The following FBXW7 variants were observed in gnomAD, a reference collection of about 807,000 sequenced individuals.
FBXW7 encodes the protein F-box/WD repeat-containing protein 7.
Under a neutral mutation model 86.3 loss-of-function variants are expected in FBXW7, and 11 were observed. The observed-to-expected ratio is 0.13, with a 90% CI of 0.08 to 0.21. The LOEUF is 0.21. FBXW7 is among the 10% of genes least tolerant of loss of function. FBXW7 has a pLI of 1.00. For missense variants in FBXW7, 488 were observed against 847.4 expected, an observed-to-expected ratio of 0.58 and a Z score of 5.27; for synonymous variants, 313 against 297.9, an observed-to-expected ratio of 1.05 and a Z score of -0.52.
intron 4 of FBXW7, among the ~76,000 whole-genome samples, chr4:152,403,072 C>T (rs573028904): frequency 6.6e-6 from 1 of 152,220 alleles, no homozygotes; most frequent in South Asian, 2.1e-4. Flanking sequence ...GACTAAAAAC[C>T]CTTAACATGT....
intron 4 of FBXW7, among the ~76,000 whole-genome samples, chr4:152,383,987 C>T (rs1735312428): frequency 6.6e-6 from 1 of 152,104 alleles, no homozygotes; most frequent in African/African-American, 2.4e-5. Context: ...ACTTCACATC[C>T]ATTAGGATGG....
chr4:152,436,763 C>T (rs983386745), intron 2 of FBXW7, among the ~76,000 whole-genome samples: 1 of 152,240 alleles, frequency 6.6e-6, no homozygotes, highest in Non-Finnish European at 1.5e-5. Flanking sequence ...TATACTCTCC[C>T]TGTGCTCTAC....
intron 2 of FBXW7, among the ~76,000 whole-genome samples, chr4:152,466,717 C>G (rs574717822): frequency 1.3e-5 from 2 of 152,028 alleles, no homozygotes; most frequent in Non-Finnish European, 2.9e-5. Flanking sequence ...CCGAGGTGGG[C>G]GGATCACGAG....
At chr4:152,470,679 C>T (rs777803664) in intron 2 of FBXW7, among the ~76,000 whole-genome samples, 14 of 152,116 alleles carry the variant, frequency 9.2e-5, no homozygotes, top group Admixed American at 2.6e-4. Context: ...TGCATCAAGT[C>T]GAGTCCAATT....
intron 2 of FBXW7, among the ~76,000 whole-genome samples, chr4:152,464,972 T>A (rs368511624): frequency 1.3e-5 from 2 of 152,236 alleles, no homozygotes; most frequent in African/African-American, 4.8e-5. Context: ...CCAAGTCCAG[T>A]TGAGCCTTTC....
At chr4:152,470,124 C>A (rs931115344) in intron 2 of FBXW7, among the ~76,000 whole-genome samples, 2 of 151,908 alleles carry the variant, frequency 1.3e-5, no homozygotes, top group African/African-American at 4.8e-5. Context: ...AAATCCAAAC[C>A]ATATGCTAAA....
Position 152,536,060 on chromosome 4 carries a change from C to G in FBXW7, c.-1146G>C, listed in dbSNP as rs902994306. 4 of 194,636 alleles carry G rather than the reference C, an allele frequency of 2.1e-5. No homozygotes were observed. Among genetic ancestry groups the G allele is most frequent in the Non-Finnish European group, 4.2e-5 (4 of 95,820 alleles). The allele number at this position is 194,636 out of a possible 1,614,324, so 12.1% of individuals were successfully genotyped here. ...GGAGCTCAGCTCGCTGTCTCCCTCG[C>G]TCTGTGCGGGGCTCTCGCCTCACTC... On this transcript the variant is annotated 5_prime_UTR_variant, in exon 1 of 14. Coordinates refer to ENST00000281708, the MANE Select transcript of FBXW7 (RefSeq NM_001349798.2).
intron 4 of FBXW7, among the ~76,000 whole-genome samples, chr4:152,382,868 G>A (rs910375392): frequency 6.6e-6 from 1 of 151,838 alleles, no homozygotes; most frequent in Non-Finnish European, 1.5e-5. Flanking sequence ...TTTGAACTGT[G>A]TTTACGTATG....
At chr4:152,534,255 C>CT (rs948237988) in intron 2 of FBXW7, among the ~76,000 whole-genome samples, 1 of 142,888 alleles carries the variant, frequency 7.0e-6, no homozygotes, top group Non-Finnish European at 1.5e-5. Context: ...ATTTGTTACT[C>CT]TAAAAAAAAA....
Position 152,457,683 on chromosome 4 carries a change from A to AT in FBXW7, c.-119-45155dup, listed in dbSNP as rs548263851. Among the ~76,000 whole-genome samples the AT allele has an allele frequency of 3.0e-3, 440 of 149,006 alleles. 3 individuals are homozygous for AT. The highest frequency in any genetic ancestry group is 9.0e-3 in the African/African-American group (367 of 40,832). ...AAAAAAAAGAACTCAATAAAACTGG[A>AT]TTTTTTTTCATTAAAAAATTAGAAG... On this transcript the variant is annotated intron_variant, in intron 2 of 13. Coordinates refer to ENST00000281708, the MANE Select transcript of FBXW7 (RefSeq NM_001349798.2).
chr4:152,332,609 T>C lies in FBXW7; in HGVS notation c.972A>G (p.Lys324=), dbSNP rs559606878. 3.2e-5 allele frequency: 52 copies of C among 1,603,440 alleles called. No individual in the cohort carries two copies. In the South Asian group the frequency reaches 5.7e-4, roughly 18 times the overall value. The change falls in exon 8 of 14, where the codon AAA becomes AAG. Residue 324 remains lysine, a synonymous_variant. Coordinates refer to ENST00000281708, the MANE Select transcript of FBXW7 (RefSeq NM_001349798.2). The stretch of plus-strand genomic sequence containing the variant: ...TTTGAACCTTACCCTCTTCTTTGCA[T>C]TTCTCTCTCCAGAGAAGGTTGTCTT... ...LAEDNLLWRE[K]CKEEGIDEPL... is the part of the protein sequence containing the mutation.
intron 2 of FBXW7, among the ~76,000 whole-genome samples, chr4:152,522,114 C>G (rs1299657337): frequency 6.6e-6 from 1 of 152,100 alleles, no homozygotes; most frequent in Non-Finnish European, 1.5e-5. Flanking sequence ...AGAGAGAGAG[C>G]TCCAAGGTTT....
intron 4 of FBXW7, among the ~76,000 whole-genome samples, chr4:152,397,422 T>G (rs1039210193): frequency 6.6e-6 from 1 of 151,880 alleles, no homozygotes; most frequent in Non-Finnish European, 1.5e-5. Context: ...TTTCTTTTCT[T>G]GATATTTCTA....
At position 152,347,089 on chromosome 4, in the gene FBXW7, AGAGAGAGAG is replaced by A; in HGVS notation, c.585-27_585-19del. On this transcript the variant is annotated intron_variant, in intron 5 of 13. Coordinates refer to ENST00000281708, the MANE Select transcript of FBXW7 (RefSeq NM_001349798.2). ...CAGTGGTACTACAAAAAAAAAAAAA[AGAGAGAGAG>A]AAAGGATAAAAGGAAAAAAACAAAA... 1 of 1,562,368 alleles carries A rather than the reference AGAGAGAGAG, an allele frequency of 6.4e-7. No homozygotes were observed. Among genetic ancestry groups the A allele is most frequent in the Non-Finnish European group, 8.7e-7 (1 of 1,151,884 alleles).
intron 2 of FBXW7, among the ~76,000 whole-genome samples, chr4:152,431,806 C>T (rs1289398021): frequency 6.6e-6 from 1 of 152,106 alleles, no homozygotes; most frequent in African/African-American, 2.4e-5. Flanking sequence ...ATTATGATTA[C>T]TAAGATGGGA....
chr4:152,464,153 A>G (rs1310198568), intron 2 of FBXW7, among the ~76,000 whole-genome samples: 2 of 152,206 alleles, frequency 1.3e-5, no homozygotes, highest in Admixed American at 6.5e-5. Flanking sequence ...AAAGCTGAAC[A>G]CTAGTAGAAA....
intron 2 of FBXW7, among the ~76,000 whole-genome samples, chr4:152,468,851 A>C (rs969219663): frequency 6.6e-6 from 1 of 152,118 alleles, no homozygotes; most frequent in Non-Finnish European, 1.5e-5. Context: ...CAATAGGGAA[A>C]AAAATGACAA....
intron 4 of FBXW7, among the ~76,000 whole-genome samples, chr4:152,401,236 C>A (rs1736899370): frequency 6.6e-6 from 1 of 152,166 alleles, no homozygotes; most frequent in Non-Finnish European, 1.5e-5. Flanking sequence ...AAATCCTGCA[C>A]ACAGATTTTC....
At chr4:152,389,799 G>A (rs988848042) in intron 4 of FBXW7, among the ~76,000 whole-genome samples, 2 of 151,832 alleles carry the variant, frequency 1.3e-5, no homozygotes, top group African/African-American at 4.8e-5. Context: ...TTACATATAT[G>A]GCCTTCTTGT....
Sources: allele counts gnomAD v4.1 joint callset (sites outside exome capture counted in the v4.1 genomes callset), GRCh38; gene constraint gnomAD v4.1.1; transcripts MANE v1.5; gene names NCBI Gene and HGNC (gene_info 2026-07-23, HGNC 2026-07-21).